Variants in PRRX1 observed in about 807,000 individuals in gnomAD.
PRRX1 encodes the protein paired mesoderm homeobox protein 1.
A neutral mutation model predicts 24.0 loss-of-function variants in PRRX1; 8 were observed. The observed-to-expected ratio is 0.33, with a 90% CI of 0.20 to 0.60. PRRX1 has a LOEUF of 0.60. Among genes scored for constraint, PRRX1 ranks in the 20% least tolerant of loss-of-function variants. The probability of loss-of-function intolerance (pLI) is 0.82; values close to 1 mark genes in which losing one functional copy is unlikely to be tolerated. For missense variants in PRRX1, 281 were observed against 322.4 expected (o/e 0.87, Z 0.98); for synonymous variants, 160 against 131.7 (o/e 1.22, Z -1.47).
chr1:170,666,744 G>A (rs1034741484), intron 1 of PRRX1, among the ~76,000 whole-genome samples: 13 of 152,180 alleles, frequency 8.5e-5, no homozygotes, highest in African/African-American at 3.1e-4. Context: ...AGATACTGCA[G>A]GGGAAGAGGG....
chr1:170,671,792 G>A (rs1461923160), intron 1 of PRRX1, among the ~76,000 whole-genome samples: 7 of 152,276 alleles, frequency 4.6e-5, no homozygotes. Flanking sequence ...CCAGATGACC[G>A]TGGATGGAAT....
At chr1:170,693,908 G>T (rs1378548019) in intron 1 of PRRX1, among the ~76,000 whole-genome samples, 1 of 152,000 alleles carries the variant, frequency 6.6e-6, no homozygotes, top group Non-Finnish European at 1.5e-5. Context: ...AAGAAAAATG[G>T]TTGGGAGCAA....
chr1:170,725,619 G>T (rs1655232405), intron 2 of PRRX1, among the ~76,000 whole-genome samples: 1 of 152,182 alleles, frequency 6.6e-6, no homozygotes, highest in South Asian at 2.1e-4. Flanking sequence ...GCAGGATTGA[G>T]CTACCACAGA....
At chr1:170,685,744 T>C (rs568392444) in intron 1 of PRRX1, among the ~76,000 whole-genome samples, 1 of 152,192 alleles carries the variant, frequency 6.6e-6, no homozygotes, top group African/African-American at 2.4e-5. Context: ...GTCTAATGAA[T>C]ACCTCTATGA....
intron 1 of PRRX1, among the ~76,000 whole-genome samples, chr1:170,711,481 T>C (rs2101911500): frequency 6.6e-6 from 1 of 152,330 alleles, no homozygotes; most frequent in South Asian, 2.1e-4. Flanking sequence ...AGAGCTGAGC[T>C]TACTCATTAA....
chr1:170,689,839 CCTCTCTCTCTCTCTCT>C (rs71559512), intron 1 of PRRX1, among the ~76,000 whole-genome samples: 4 of 91,602 alleles, frequency 4.4e-5, no homozygotes, highest in Non-Finnish European at 7.0e-5. Context: ...TCTCTCTCTC[CCTCTCTCTCTCTCTCT>C]CTCTCTCTCT....
At chr1:170,730,521 A>G in intron 3 of PRRX1, 1 of 609,632 alleles carries the variant, frequency 1.6e-6, no homozygotes, top group South Asian at 1.9e-5. Context: ...TAAATGAAGC[A>G]TAGTGTGATA....
intron 2 of PRRX1, among the ~76,000 whole-genome samples, chr1:170,724,957 G>A (rs955766188): frequency 6.6e-6 from 1 of 152,082 alleles, no homozygotes; most frequent in Non-Finnish European, 1.5e-5. Flanking sequence ...TGATTTCCTT[G>A]AGCAATGGTT....
chr1:170,695,954 G>A (rs1209641743), intron 1 of PRRX1, among the ~76,000 whole-genome samples: 7 of 152,072 alleles, frequency 4.6e-5, no homozygotes, highest in African/African-American at 1.7e-4. Flanking sequence ...TGTCCAGTGT[G>A]GAGAAATAAA....
intron 1 of PRRX1, among the ~76,000 whole-genome samples, chr1:170,693,916 C>T (rs912217116): frequency 2.6e-5 from 4 of 151,936 alleles, no homozygotes; most frequent in African/African-American, 9.7e-5. Context: ...TGGTTGGGAG[C>T]AATAATTCCA....
chr1:170,693,953 GT>G (rs557436331), intron 1 of PRRX1, among the ~76,000 whole-genome samples: 79 of 151,224 alleles, frequency 5.2e-4, no homozygotes, highest in African/African-American at 1.7e-3. Context: ...TTTATTACTA[GT>G]TTTTTTTTCA....
At position 170,697,398 on chromosome 1, in the gene PRRX1, T is replaced by C. The variant is rs150705065; in HGVS notation, c.242-22328T>C. 1.9e-3 allele frequency among the ~76,000 whole-genome samples: 284 copies of C among 152,284 alleles called. 1 individual carries two copies. Among genetic ancestry groups the C allele is most frequent in the African/African-American group, 6.6e-3 (273 of 41,570 alleles). On this transcript the variant is annotated intron_variant, in intron 1 of 3. Coordinates refer to ENST00000239461, the MANE Select transcript of PRRX1 (RefSeq NM_022716.4). Reference sequence around the variant, plus strand: ...AGTGTGATATTTTTGTTTTGATTTATTGACTTGCCTGTATTTTCTATTTTC... The same window carrying C: ...AGTGTGATATTTTTGTTTTGATTTACTGACTTGCCTGTATTTTCTATTTTC...
chr1:170,708,323 C>CT (rs887051852), intron 1 of PRRX1, among the ~76,000 whole-genome samples: 13 of 150,374 alleles, frequency 8.6e-5, no homozygotes, highest in African/African-American at 9.8e-5. Flanking sequence ...CCAAATGTAA[C>CT]TTTTTTTTTT....
intron 1 of PRRX1, among the ~76,000 whole-genome samples, chr1:170,706,185 T>C (rs1348128043): frequency 6.6e-6 from 1 of 152,170 alleles, no homozygotes; most frequent in Non-Finnish European, 1.5e-5. Flanking sequence ...TCATTACTAG[T>C]GTTATTTAAA....
chr1:170,688,975 A>C (rs1463238771), intron 1 of PRRX1, among the ~76,000 whole-genome samples: 1 of 152,140 alleles, frequency 6.6e-6, no homozygotes, highest in Non-Finnish European at 1.5e-5. Flanking sequence ...ATACATTAGA[A>C]ATCAATAGCA....
intron 3 of PRRX1, 183 bp downstream of exon 3, chr1:170,726,584 TG>T: frequency 1.4e-6 from 1 of 711,564 alleles, no homozygotes; most frequent in Non-Finnish European, 2.3e-6. Context: ...CAGCAGGGTT[TG>T]GGGCAGAAGT....
chr1:170,734,995 T>C (rs1196224169), intron 3 of PRRX1, among the ~76,000 whole-genome samples: 1 of 152,184 alleles, frequency 6.6e-6, no homozygotes, highest in Non-Finnish European at 1.5e-5. Flanking sequence ...GCACATGTCA[T>C]TCCATTTATA....
chr1:170,695,353 T>C (rs1048214851), intron 1 of PRRX1, among the ~76,000 whole-genome samples: 1 of 152,172 alleles, frequency 6.6e-6, no homozygotes, highest in Non-Finnish European at 1.5e-5. Flanking sequence ...GTAGACACTC[T>C]AAACGAGATG....
intron 1 of PRRX1, among the ~76,000 whole-genome samples, chr1:170,681,711 C>A (rs1372936139): frequency 6.6e-6 from 1 of 152,132 alleles, no homozygotes; most frequent in Non-Finnish European, 1.5e-5. Flanking sequence ...CCACCCAGCC[C>A]TTATGAGCTC....
Sources: gnomAD v4.1 joint callset for allele counts (sites outside exome capture counted in the v4.1 genomes callset) on GRCh38, gnomAD v4.1.1 for gene constraint, MANE v1.5 for transcripts, NCBI Gene and HGNC (gene_info 2026-07-23, HGNC 2026-07-21) for gene names.